SDK1: variants seen among roughly 807,000 people sequenced by gnomAD.
The protein encoded by SDK1 is sidekick cell adhesion molecule 1.
In SDK1, 157 loss-of-function variants were observed where a neutral mutation model predicts 245.5. The observed-to-expected ratio is 0.64, with a 90% CI of 0.56 to 0.73. The LOEUF is 0.73. SDK1 is among the 30% of genes least tolerant of loss of function. SDK1 has a pLI of 0.00. For synonymous variants in SDK1, 1,647 were observed against 1,278.5 expected, an observed-to-expected ratio of 1.29 and a Z score of -6.15; for missense variants, 3,583 against 3,002.3, an observed-to-expected ratio of 1.19 and a Z score of -4.52.
At position 4,111,264 on chromosome 7, in the gene SDK1, G is replaced by A. The variant is rs1233583696; in HGVS notation, c.3434+492G>A. The stretch of plus-strand genomic sequence containing the variant: ...GCTTCTTGAACCCCGAAACTGATCC[G>A]GGCAGTAAATCCTTGGCTTTAACAA... On this transcript the variant is annotated intron_variant, in intron 23 of 44. Coordinates refer to ENST00000404826, the MANE Select transcript of SDK1 (RefSeq NM_152744.4). 2.6e-5 allele frequency among the ~76,000 whole-genome samples: 4 copies of A among 152,250 alleles called. No homozygotes were observed. In the East Asian group the frequency reaches 5.8e-4, roughly 22 times the overall value.
At chr7:3,866,551 G>T (rs1780825502) in intron 5 of SDK1, among the ~76,000 whole-genome samples, 1 of 151,888 alleles carries the variant, frequency 6.6e-6, no homozygotes, top group Non-Finnish European at 1.5e-5. Context: ...AGGGCAGGAT[G>T]AGATGATGAA....
chr7:3,451,244 A>C (rs1385537532), intron 1 of SDK1, among the ~76,000 whole-genome samples: 3 of 152,082 alleles, frequency 2.0e-5, no homozygotes, highest in Non-Finnish European at 4.4e-5. Flanking sequence ...AATTGTTGTG[A>C]AGTTCCAAGA....
At chr7:4,023,131 T>C (rs1042272118) in intron 17 of SDK1, among the ~76,000 whole-genome samples, 1 of 152,112 alleles carries the variant, frequency 6.6e-6, no homozygotes, top group Non-Finnish European at 1.5e-5. Context: ...GCATGGTTTG[T>C]CCACTCCAGT....
At chr7:3,455,939 T>G (rs564155128) in intron 1 of SDK1, among the ~76,000 whole-genome samples, 94 of 152,334 alleles carry the variant, frequency 6.2e-4, no homozygotes, top group African/African-American at 2.0e-3. Context: ...ACAAATTCTT[T>G]CAGTTTTCCT....
intron 1 of SDK1, among the ~76,000 whole-genome samples, chr7:3,558,584 C>A (rs1015498117): frequency 6.6e-6 from 1 of 152,162 alleles, no homozygotes; most frequent in Admixed American, 6.5e-5. Context: ...GAGGTTATTG[C>A]TCTGTGAAGG....
chr7:3,466,593 A>G (rs1280403514), intron 1 of SDK1, among the ~76,000 whole-genome samples: 1 of 150,840 alleles, frequency 6.6e-6, no homozygotes, highest in Non-Finnish European at 1.5e-5. Flanking sequence ...CGATATGAGG[A>G]TATCTGTTTT....
At chr7:3,822,860 A>T (rs73036403) in intron 5 of SDK1, among the ~76,000 whole-genome samples, 3,096 of 152,054 alleles carry the variant, frequency 0.02, 48 homozygotes, top group Middle Eastern at 0.088. Context: ...CCTTAGGCCC[A>T]GTAGAATTGC....
chr7:4,214,492 G>T (rs530197595), intron 38 of SDK1, among the ~76,000 whole-genome samples: 4 of 152,194 alleles, frequency 2.6e-5, no homozygotes, highest in Admixed American at 2.0e-4. Context: ...CTTTGCAACC[G>T]AGGCAATGTG....
chr7:3,551,851 TTTG>T (rs1779425844), intron 1 of SDK1, among the ~76,000 whole-genome samples: 1 of 152,094 alleles, frequency 6.6e-6, no homozygotes, highest in Non-Finnish European at 1.5e-5. Flanking sequence ...TAAATTTTTT[TTTG>T]TTGTTGTTTT....
intron 5 of SDK1, among the ~76,000 whole-genome samples, chr7:3,901,291 A>G (rs755852327): frequency 1.3e-5 from 2 of 151,658 alleles, no homozygotes; most frequent in African/African-American, 2.4e-5. Context: ...GGTTCAAGCG[A>G]TTCTCCTGCC....
intron 13 of SDK1, among the ~76,000 whole-genome samples, chr7:3,979,817 G>C (rs1298694481): frequency 6.6e-6 from 1 of 152,146 alleles, no homozygotes; most frequent in African/African-American, 2.4e-5. Flanking sequence ...AGAGGGACCA[G>C]GCTCCTAAGG....
At chr7:3,562,734 C>G (rs1583168918) in intron 1 of SDK1, among the ~76,000 whole-genome samples, 1 of 152,186 alleles carries the variant, frequency 6.6e-6, no homozygotes. Context: ...CTGCTTTTGC[C>G]TCTCCTATTG....
intron 1 of SDK1, among the ~76,000 whole-genome samples, chr7:3,564,523 A>G (rs1359504088): frequency 6.6e-6 from 1 of 152,124 alleles, no homozygotes; most frequent in Non-Finnish European, 1.5e-5. Context: ...CAGGACAATG[A>G]CAAAAAAGGA....
chr7:3,530,941 CTT>C (rs1160863078), intron 1 of SDK1, among the ~76,000 whole-genome samples: 1 of 152,152 alleles, frequency 6.6e-6, no homozygotes, highest in Admixed American at 6.5e-5. Flanking sequence ...AGTGAGAAGT[CTT>C]TATCGTATAG....
rs549283785 is a variant in SDK1, at chr7:3,920,985, T to C, written c.848-29938T>C. Among the ~76,000 whole-genome samples, 29 of 152,294 alleles carry C rather than the reference T, an allele frequency of 1.9e-4. No homozygotes were observed. The South Asian group carries it at 5.8e-3, about 30-fold the overall frequency. ...AAATGAAAGCCAACATAGAAACAGA[T>C]AAACTATAGATCAAGTTTGCAATTC... On this transcript the variant is annotated intron_variant, in intron 5 of 44. Coordinates refer to ENST00000404826, the MANE Select transcript of SDK1 (RefSeq NM_152744.4).
At chr7:3,349,468 G>A (rs1323331997) in intron 1 of SDK1, among the ~76,000 whole-genome samples, 1 of 152,210 alleles carries the variant, frequency 6.6e-6, no homozygotes, top group African/African-American at 2.4e-5. Flanking sequence ...ACTGAACACA[G>A]TGTCCATGAA....
At chr7:3,631,148 G>C (rs1433600742) in intron 2 of SDK1, among the ~76,000 whole-genome samples, 1 of 152,134 alleles carries the variant, frequency 6.6e-6, no homozygotes, top group Non-Finnish European at 1.5e-5. Context: ...TGCCCAGGCT[G>C]GTCTCGAACT....
chr7:3,482,119 A>G (rs1030598035), intron 1 of SDK1, among the ~76,000 whole-genome samples: 4 of 152,258 alleles, frequency 2.6e-5, no homozygotes, highest in Non-Finnish European at 5.9e-5. Context: ...AGCTATAGGA[A>G]TAAAATAGGG....
At chr7:3,586,770 A>G (rs1178764073) in intron 1 of SDK1, among the ~76,000 whole-genome samples, 1 of 151,728 alleles carries the variant, frequency 6.6e-6, no homozygotes, top group Non-Finnish European at 1.5e-5. Flanking sequence ...AGGACAGAGT[A>G]GCCTTAACTG....
Sources: gnomAD v4.1 joint callset for allele counts (sites outside exome capture counted in the v4.1 genomes callset) on GRCh38, gnomAD v4.1.1 for gene constraint, MANE v1.5 for transcripts, NCBI Gene and HGNC (gene_info 2026-07-23, HGNC 2026-07-21) for gene names.